Variants in RIMS3 observed in about 807,000 individuals in gnomAD.
RIMS3 encodes regulating synaptic membrane exocytosis protein 3.
RIMS3 carries 15 observed loss-of-function variants against 29.2 expected under a neutral mutation model. The observed-to-expected ratio is 0.51, with a 90% confidence interval of 0.34 to 0.79. The LOEUF (loss-of-function observed/expected upper bound fraction) is 0.79. Ranked by LOEUF, RIMS3 falls within the 30% of genes least tolerant of loss-of-function variation. The probability of loss-of-function intolerance (pLI) is 0.01; values close to 1 mark genes in which losing one functional copy is unlikely to be tolerated. For synonymous variants in RIMS3, 161 were observed against 170.1 expected (o/e 0.95, Z 0.41); for missense variants, 342 against 421.4 (o/e 0.81, Z 1.65).
chr1:40,667,748 T>C (rs947621138), upstream of RIMS3, among the ~76,000 whole-genome samples: 1 of 152,204 alleles, frequency 6.6e-6, no homozygotes, highest in Non-Finnish European at 1.5e-5. Flanking sequence ...AGCAGTATGG[T>C]ATTGAAGCAG....
At chr1:40,672,490 G>T in the RIMS3 span, among the ~76,000 whole-genome samples, 2 of 152,174 alleles carry the variant, frequency 1.3e-5, no homozygotes, top group African/African-American at 4.8e-5. Context: ...GAGCCACCGT[G>T]CCTGGCCGCT....
chr1:40,655,305 G>A (rs553012430), intron 1 of RIMS3, among the ~76,000 whole-genome samples: 33 of 152,186 alleles, frequency 2.2e-4, no homozygotes, highest in African/African-American at 8.0e-4. Context: ...CCTGAGGCCT[G>A]TGTTATACAT....
chr1:40,677,894 C>G, the RIMS3 span, among the ~76,000 whole-genome samples: 1 of 152,126 alleles, frequency 6.6e-6, no homozygotes. Context: ...AACCTGTACC[C>G]TCTACAGAGA....
intron 1 of RIMS3, among the ~76,000 whole-genome samples, chr1:40,661,265 T>G (rs899951825): frequency 6.6e-6 from 1 of 152,134 alleles, no homozygotes; most frequent in African/African-American, 2.4e-5. Flanking sequence ...GGCAGAGAAC[T>G]AGCACACAGT....
chr1:40,670,599 T>C (rs1219369681), upstream of RIMS3, among the ~76,000 whole-genome samples: 1 of 132,954 alleles, frequency 7.5e-6, no homozygotes, highest in Non-Finnish European at 1.6e-5. Context: ...TATATATATA[T>C]ATATATATAT....
rs374331441 is a variant in RIMS3, at chr1:40,635,875, C to A, written c.359+41G>T. ...CCCAGTGGCTCTGTGACTGGAGGACCGAGGAGGAGGGAGGGGACCACAGCA... is the reference window on the plus strand; with the variant it reads ...CCCAGTGGCTCTGTGACTGGAGGACAGAGGAGGAGGGAGGGGACCACAGCA... On this transcript the variant is annotated intron_variant, in intron 4 of 7. Transcript: ENST00000372684. This position sits in a 1 kb window ranked among gnomAD's most constrained non-coding sequence, Gnocchi z 4.1. The A allele has an allele frequency of 6.2e-7, 1 of 1,602,574 alleles. No homozygotes were observed. Among genetic ancestry groups the A allele is most frequent in the Non-Finnish European group, 8.5e-7 (1 of 1,173,614 alleles).
At chr1:40,632,358 T>C (rs572866108) in intron 5 of RIMS3, among the ~76,000 whole-genome samples, 7 of 150,148 alleles carry the variant, frequency 4.7e-5, no homozygotes, top group Non-Finnish European at 7.4e-5. Context: ...GGGGACATGA[T>C]TGATATTCAG....
intron 2 of RIMS3, among the ~76,000 whole-genome samples, chr1:40,646,036 T>TAGGAATC (rs1390485825): frequency 9.9e-5 from 15 of 152,162 alleles, no homozygotes; most frequent in African/African-American, 3.4e-4. Flanking sequence ...TTAGGAGGAT[T>TAGGAATC]AGGAATCAGG....
chr1:40,625,249 C>G lies in RIMS3; in HGVS notation c.*1268G>C, dbSNP rs1362419713. 1 of 152,918 alleles carries G rather than the reference C, an allele frequency of 6.5e-6. No homozygotes were observed. Among genetic ancestry groups the G allele is most frequent in the Admixed American group, 6.6e-5 (1 of 15,266 alleles). 9.5% of individuals were successfully genotyped at this position (152,918 alleles called of 1,614,324 possible). A position where few individuals can be genotyped will look rare whatever the true frequency, so the allele number is the denominator to read the frequency against. On this transcript the variant is annotated 3_prime_UTR_variant, in exon 8 of 8. Coordinates refer to ENST00000372684, the MANE Select transcript of RIMS3 (RefSeq NM_014747.3). ...AGCAGAGGCAGGTGGGTGCCTGGAG[C>G]AGATGGCTCTGCAGAGGGCAGCAGT...
In RIMS3 at chr1:40,626,333, C is replaced by T. The variant is rs1180377703; in HGVS notation, c.*184G>A. 1 of 653,390 alleles carries T rather than the reference C, an allele frequency of 1.5e-6. No homozygotes were observed. Among genetic ancestry groups the T allele is most frequent in the East Asian group, 2.7e-5 (1 of 36,708 alleles). 40.5% of individuals were successfully genotyped at this position (653,390 alleles called of 1,614,324 possible). Reference sequence around the variant, plus strand: ...GATAGAACGTGGTCACGTACACACACACACACACGCACGCACACACGCACA... The same window carrying T: ...GATAGAACGTGGTCACGTACACACATACACACACGCACGCACACACGCACA... On this transcript the variant is annotated 3_prime_UTR_variant, in exon 8 of 8. Coordinates refer to ENST00000372684, the MANE Select transcript of RIMS3 (RefSeq NM_014747.3).
the RIMS3 span, among the ~76,000 whole-genome samples, chr1:40,672,007 C>A: frequency 6.6e-6 from 1 of 151,958 alleles, no homozygotes; most frequent in Non-Finnish European, 1.5e-5. Flanking sequence ...ATCTGCCCAC[C>A]TCAGCCTCCC....
chr1:40,641,654 C>T, intron 3 of RIMS3, 55 bp downstream of exon 3: 2 of 1,558,504 alleles, frequency 1.3e-6, no homozygotes, highest in Non-Finnish European at 1.8e-6. Flanking sequence ...CCTGGGTAGT[C>T]TGTCTTTGCG....
the RIMS3 span, among the ~76,000 whole-genome samples, chr1:40,679,946 G>A: frequency 0.79 from 118,485 of 150,898 alleles, 47,119 homozygotes; most frequent in African/African-American, 0.9. Context: ...ACTGCTTAGA[G>A]CTCCAGCACA....
chr1:40,645,638 A>G (rs558749005), intron 2 of RIMS3, among the ~76,000 whole-genome samples: 23 of 152,268 alleles, frequency 1.5e-4, no homozygotes, highest in African/African-American at 5.5e-4. Context: ...GGCAGTAGAA[A>G]TCCCAACCGG....
chr1:40,660,712 C>G (rs1642340325), intron 1 of RIMS3, among the ~76,000 whole-genome samples: 1 of 151,738 alleles, frequency 6.6e-6, no homozygotes, highest in Non-Finnish European at 1.5e-5. Context: ...GATCTTCAAC[C>G]CAGAAGAGAT....
intron 2 of RIMS3, among the ~76,000 whole-genome samples, chr1:40,642,771 C>T (rs140926942): frequency 7.0e-6 from 1 of 143,754 alleles, no homozygotes; most frequent in African/African-American, 2.6e-5. Context: ...GCCTGACCAA[C>T]ATGGTGAAAC....
chr1:40,659,088 C>T (rs891733111), intron 1 of RIMS3, among the ~76,000 whole-genome samples: 10 of 152,040 alleles, frequency 6.6e-5, no homozygotes, highest in African/African-American at 1.4e-4. Flanking sequence ...TGGGGAGGAG[C>T]GGAAGGGCTC....
chr1:40,639,430 G>A (rs1358469454), intron 3 of RIMS3, among the ~76,000 whole-genome samples: 1 of 152,220 alleles, frequency 6.6e-6, no homozygotes, highest in Non-Finnish European at 1.5e-5. Flanking sequence ...CAGGGAAGGA[G>A]CAGAGGTGTG....
At chr1:40,683,532 C>T in the RIMS3 span, among the ~76,000 whole-genome samples, 1 of 152,234 alleles carries the variant, frequency 6.6e-6, no homozygotes, top group Non-Finnish European at 1.5e-5. Flanking sequence ...AATGCTGGTG[C>T]CATGCTCTTG....
Sources: allele counts gnomAD v4.1 joint callset (sites outside exome capture counted in the v4.1 genomes callset), GRCh38; gene constraint gnomAD v4.1.1; non-coding constraint Gnocchi (gnomAD v3.1); transcripts MANE v1.5; gene names NCBI Gene and HGNC (gene_info 2026-07-23, HGNC 2026-07-21).